NSUN6: variants seen among roughly 807,000 people sequenced by gnomAD.
NSUN6 encodes tRNA (cytosine(72)-C(5))-methyltransferase NSUN6.
A neutral mutation model predicts 58.0 loss-of-function variants in NSUN6; 64 were observed. The ratio of observed to expected loss-of-function variants is 1.10; its 90% CI spans 0.90 to 1.36. The LOEUF is 1.36. Among genes scored for constraint, NSUN6 ranks in the 40% most tolerant of loss-of-function variants. The probability of loss-of-function intolerance (pLI) is 0.00; values close to 1 mark genes in which losing one functional copy is unlikely to be tolerated. For missense variants in NSUN6, 701 were observed against 550.1 expected, an observed-to-expected ratio of 1.27 and a Z score of -2.74; for synonymous variants, 231 against 193.9, an observed-to-expected ratio of 1.19 and a Z score of -1.59.
At chr10:18,642,372 G>A (rs2059415428) in intron 3 of NSUN6, 104 bp downstream of exon 3, 1 of 649,886 alleles carries the variant, frequency 1.5e-6, no homozygotes, top group Middle Eastern at 4.3e-4. Context: ...ATAGAAAGTT[G>A]CTAACAATGG....
At chr10:18,600,941 A>AAATATATATATATATATATATAT (rs1487679670) in intron 6 of NSUN6, among the ~76,000 whole-genome samples, 1 of 43,542 alleles carries the variant, frequency 2.3e-5, no homozygotes, top group Non-Finnish European at 4.5e-5. Context: ...AAAAAAAAAA[A>AAATATATATATATATATATATAT]ATATATATAT....
At chr10:18,553,214 C>T (rs1338414386) in intron 8 of NSUN6, among the ~76,000 whole-genome samples, 1 of 151,908 alleles carries the variant, frequency 6.6e-6, no homozygotes, top group Non-Finnish European at 1.5e-5. Flanking sequence ...ATTCTCCATT[C>T]CATTCCATGC....
chr10:18,604,869 G>A (rs1428148164), intron 6 of NSUN6, among the ~76,000 whole-genome samples: 1 of 150,724 alleles, frequency 6.6e-6, no homozygotes, highest in East Asian at 2.0e-4. Flanking sequence ...CTGGGTGACA[G>A]AGCAAGACTC....
intron 6 of NSUN6, among the ~76,000 whole-genome samples, chr10:18,606,014 T>TG (rs143311557): frequency 1.2e-3 from 186 of 152,050 alleles, no homozygotes; most frequent in African/African-American, 4.3e-3. Context: ...ATAGACATGA[T>TG]GGGGGAAAAA....
chr10:18,559,203 T>C (rs1589849130), intron 8 of NSUN6, among the ~76,000 whole-genome samples: 1 of 147,684 alleles, frequency 6.8e-6, no homozygotes, highest in East Asian at 2.1e-4. Context: ...TGGAATGGAA[T>C]AGAGAATGGA....
In NSUN6 at chr10:18,609,873, C is replaced by T. The variant is rs370429281; in HGVS notation, c.629G>A (p.Ser210Asn). 28 of 1,601,690 alleles carry T rather than the reference C, an allele frequency of 1.7e-5. No homozygotes were observed. The highest frequency in any genetic ancestry group is 2.2e-5 in the Non-Finnish European group (26 of 1,169,046). ...TAAAAATAAGTAACGGGGCAGTACA[C>T]TGTCAAATGAAGGGCTGAGATATAC... ...EPVYLSPSFD[S>N]VLPRYLFLQN... The change falls in exon 6 of 11, where the codon AGT becomes AAT. Residue 210 changes from serine (S) to asparagine (N), a missense_variant. By Grantham distance (46) the Ser-to-Asn change is conservative. Coordinates refer to ENST00000377304, the MANE Select transcript of NSUN6 (RefSeq NM_182543.5).
rs1023357346 is a variant in NSUN6, at chr10:18,547,312, C to T, written c.1197+800G>A. ...GGAGGTCAGGGGAAAACTTCCCATCCCTTTTAGGTATATATTTTGAGTGTG... is the reference window on the plus strand; with the variant it reads ...GGAGGTCAGGGGAAAACTTCCCATCTCTTTTAGGTATATATTTTGAGTGTG... On this transcript the variant is annotated intron_variant, in intron 10 of 10. Transcript: ENST00000377304. Among the ~76,000 whole-genome samples the T allele has an allele frequency of 3.3e-5, 5 of 152,238 alleles. No homozygotes were observed. The East Asian group carries it at 9.6e-4, about 29-fold the overall frequency.
intron 3 of NSUN6, among the ~76,000 whole-genome samples, chr10:18,622,524 G>A (rs1222497057): frequency 2.0e-5 from 3 of 152,192 alleles, no homozygotes; most frequent in Non-Finnish European, 4.4e-5. Context: ...GACCAGCCTG[G>A]CCAACATGGT....
In NSUN6 at chr10:18,560,954, T is replaced by C. The variant is rs575648051; in HGVS notation, c.923-8983A>G. Among the ~76,000 whole-genome samples the C allele has an allele frequency of 2.0e-5, 3 of 146,618 alleles. No individual in the cohort carries two copies. In the South Asian group the frequency reaches 6.5e-4, roughly 32 times the overall value. ...GAATGGAATGGAGCATGGAATAAAA[T>C]GGAACATGAAATGCAGTGATGGAGA... On this transcript the variant is annotated intron_variant, in intron 8 of 10. Transcript: ENST00000377304.
intron 8 of NSUN6, among the ~76,000 whole-genome samples, chr10:18,561,935 T>TA (rs899968651): frequency 4.9e-5 from 7 of 144,224 alleles, no homozygotes; most frequent in Admixed American, 3.5e-4. Context: ...ATGAATGGAA[T>TA]GGAGAATGGA....
rs536941682 is a variant in NSUN6 at position 18,566,488 on chromosome 10, CTCCAT to C, written c.923-14522_923-14518del. Among the ~76,000 whole-genome samples, 554 of 150,122 alleles carry C rather than the reference CTCCAT, an allele frequency of 3.7e-3. 4 individuals are homozygous for C. Among genetic ancestry groups the C allele is most frequent in the African/African-American group, 0.013 (528 of 41,104 alleles). ...ATTCCATTCTCCATTCCATTCCATT[CTCCAT>C]TCCATTCCATTCTCCATTCTATTCC... On this transcript the variant is annotated intron_variant, in intron 8 of 10. Coordinates refer to ENST00000377304, the MANE Select transcript of NSUN6 (RefSeq NM_182543.5).
At chr10:18,553,675 G>T (rs1202390407) in intron 8 of NSUN6, among the ~76,000 whole-genome samples, 3 of 150,586 alleles carry the variant, frequency 2.0e-5, no homozygotes, top group Admixed American at 6.6e-5. Context: ...GGAATGTAGT[G>T]GAAAATGAAA....
intron 8 of NSUN6, among the ~76,000 whole-genome samples, chr10:18,571,996 C>T (rs2056393021): frequency 6.6e-6 from 1 of 150,688 alleles, no homozygotes; most frequent in South Asian, 2.1e-4. Flanking sequence ...TTCCAGTCTC[C>T]ATTCCATTCC....
At chr10:18,620,352 G>A (rs2058562200) in intron 3 of NSUN6, among the ~76,000 whole-genome samples, 1 of 152,082 alleles carries the variant, frequency 6.6e-6, no homozygotes, top group Non-Finnish European at 1.5e-5. Context: ...CTCCCAAAGT[G>A]CTGGGATTAC....
chr10:18,596,139 G>T, intron 7 of NSUN6, 69 bp downstream of exon 7: 1 of 1,352,974 alleles, frequency 7.4e-7, no homozygotes, highest in Non-Finnish European at 1.0e-6. Flanking sequence ...ATGGCTCTAT[G>T]TTTCAGAAAT....
At chr10:18,624,438 G>A (rs2131414078) in intron 3 of NSUN6, among the ~76,000 whole-genome samples, 1 of 151,946 alleles carries the variant, frequency 6.6e-6, no homozygotes, top group Non-Finnish European at 1.5e-5. Context: ...CACTTTGGGA[G>A]GCTGAGGAGG....
intron 6 of NSUN6, among the ~76,000 whole-genome samples, chr10:18,596,538 C>T (rs11015046): frequency 0.052 from 7,957 of 152,098 alleles, 290 homozygotes; most frequent in Non-Finnish European, 0.077. Flanking sequence ...AAACCACCTG[C>T]GCAAAAATAT....
At chr10:18,562,842 G>A (rs1408964534) in intron 8 of NSUN6, among the ~76,000 whole-genome samples, 7 of 144,482 alleles carry the variant, frequency 4.8e-5, no homozygotes, top group South Asian at 2.2e-4. Flanking sequence ...GAAATGGAGC[G>A]TGGAATGGAG....
At chr10:18,651,899 T>C (rs2131615356), upstream of NSUN6, 2 of 985,446 alleles carry the variant, frequency 2.0e-6, no homozygotes, top group South Asian at 4.7e-5. Flanking sequence ...TGGAAGATGT[T>C]GCTGGACTGA....
Sources: gnomAD v4.1 joint callset for allele counts (sites outside exome capture counted in the v4.1 genomes callset) on GRCh38, gnomAD v4.1.1 for gene constraint, MANE v1.5 for transcripts, NCBI Gene and HGNC (gene_info 2026-07-23, HGNC 2026-07-21) for gene names.